ADGRD1: variants seen among roughly 807,000 people sequenced by gnomAD.
ADGRD1 encodes adhesion G protein-coupled receptor D1.
In ADGRD1, 77 loss-of-function variants were observed where a neutral mutation model predicts 113.4. The observed-to-expected ratio is 0.68, with a 90% CI of 0.57 to 0.82. The LOEUF (loss-of-function observed/expected upper bound fraction) is 0.82, where lower values mean the gene tolerates loss of function less well. Among genes scored for constraint, ADGRD1 ranks in the 40% least tolerant of loss-of-function variants. The probability of loss-of-function intolerance (pLI) is 0.00; values close to 1 mark genes in which losing one functional copy is unlikely to be tolerated. For synonymous variants in ADGRD1, 474 were observed against 475.0 expected (o/e 1.00, Z 0.03); for missense variants, 1,036 against 1,139.1 (o/e 0.91, Z 1.30).
chr12:131,110,333 A>G (rs1950322278), intron 18 of ADGRD1, among the ~76,000 whole-genome samples: 1 of 142,892 alleles, frequency 7.0e-6, no homozygotes, highest in South Asian at 2.5e-4. Flanking sequence ...GTAACACTTT[A>G]ATTCTCTTAA....
At chr12:130,985,633 C>T (rs1206690998) in intron 5 of ADGRD1, among the ~76,000 whole-genome samples, 3 of 151,998 alleles carry the variant, frequency 2.0e-5, no homozygotes, top group Admixed American at 2.0e-4. Context: ...TCACTGCAAC[C>T]TCCACCTCCC....
chr12:131,135,630 G>A (rs745407828), intron 21 of ADGRD1, among the ~76,000 whole-genome samples: 6 of 152,292 alleles, frequency 3.9e-5, no homozygotes, highest in Admixed American at 6.5e-5. Context: ...CCTTCCAAGC[G>A]TCTCACAGGA....
intron 20 of ADGRD1, among the ~76,000 whole-genome samples, chr12:131,121,547 A>AT (rs1482001205): frequency 1.3e-5 from 2 of 152,002 alleles, no homozygotes; most frequent in Non-Finnish European, 2.9e-5. Flanking sequence ...CGCCCAGCTA[A>AT]TTTTGTATTT....
chr12:131,137,909 A>C (rs892377086), intron 23 of ADGRD1: 2 of 442,396 alleles, frequency 4.5e-6, no homozygotes, highest in African/African-American at 4.1e-5. Context: ...TGAGGAGCCC[A>C]GCAGAGGCCA....
Position 131,131,789 on chromosome 12 carries a change from A to C in ADGRD1, c.2240A>C (p.Lys747Thr), listed in dbSNP as rs1950936233. 1 of 1,612,716 alleles carries C rather than the reference A, an allele frequency of 6.2e-7. No individual in the cohort carries two copies. Among genetic ancestry groups the C allele is most frequent in the Non-Finnish European group, 8.5e-7 (1 of 1,178,886 alleles). ...TCACAGATCAGCGCCGACAACTACA[A>C]GATCCATGGAGACCCCAGTGCCTTC... ...VISQISADNY[K>T]IHGDPSAFKL... Residue 747 changes from lysine to threonine, a missense_variant, in exon 21 of 25, where the codon AAG becomes ACG. Coordinates refer to ENST00000261654, the MANE Select transcript of ADGRD1 (RefSeq NM_198827.5).
intron 13 of ADGRD1, among the ~76,000 whole-genome samples, chr12:131,074,275 C>G (rs939798325): frequency 1.3e-5 from 2 of 152,188 alleles, no homozygotes; most frequent in African/African-American, 4.8e-5. Context: ...TTAGACATAC[C>G]CAAGTGAAGT....
At chr12:131,004,428 C>T (rs959496899) in intron 11 of ADGRD1, 132 bp downstream of exon 11, 2 of 666,844 alleles carry the variant, frequency 3.0e-6, no homozygotes, top group Middle Eastern at 3.5e-4. Context: ...CGGTGCTCCC[C>T]CGGACTGCCT....
Position 131,084,428 on chromosome 12 carries a change from G to T in ADGRD1, c.1548-112G>T. 8.7e-7 allele frequency: 1 copy of T among 1,146,528 alleles called. No homozygotes were observed. The highest frequency in any genetic ancestry group is 1.4e-5 in the South Asian group (1 of 73,984). The allele number at this position is 1,146,528 out of a possible 1,614,324, so 71.0% of individuals were successfully genotyped here. A position where few individuals can be genotyped will look rare whatever the true frequency, so the allele number is the denominator to read the frequency against. Reference sequence around the variant, plus strand: ...TGTGCATTCCTGGCGTGGCAGGTGTGGGCGCCGCCATGAGTTCACGGGGCC... The same window carrying T: ...TGTGCATTCCTGGCGTGGCAGGTGTTGGCGCCGCCATGAGTTCACGGGGCC... On this transcript the variant is annotated intron_variant, in intron 14 of 24. Transcript: ENST00000261654. The surrounding 1 kb of genome is among the most constrained non-coding windows in gnomAD (Gnocchi z 4.5).
rs1398983199 is a variant in ADGRD1, at chr12:131,050,666, G to A, written c.1474-26135G>A. ...GAGAACGCATGATCGTGGGGACAGT[G>A]CCAAGAGGGATGGTGTTAAGCCAGC... On this transcript the variant is annotated intron_variant, in intron 13 of 24. Coordinates refer to ENST00000261654, the MANE Select transcript of ADGRD1 (RefSeq NM_198827.5). The surrounding 1 kb of genome is among the most constrained non-coding windows in gnomAD (Gnocchi z 4.8). Among the ~76,000 whole-genome samples, 2 of 152,216 alleles carry A rather than the reference G, an allele frequency of 1.3e-5. No homozygotes were observed. The highest frequency in any genetic ancestry group is 3.9e-4 in the East Asian group (2 of 5,160).
In ADGRD1 at chr12:131,140,726, G is replaced by A. The variant is rs1196214128; in HGVS notation, c.*1463G>A. 2 of 152,222 alleles carry A rather than the reference G, an allele frequency of 1.3e-5. No individual in the cohort carries two copies. The highest frequency in any genetic ancestry group is 2.4e-5 in the African/African-American group (1 of 41,424). The allele number at this position is 152,222 out of a possible 1,614,324, so 9.4% of individuals were successfully genotyped here. On this transcript the variant is annotated 3_prime_UTR_variant, in exon 25 of 25. Coordinates refer to ENST00000261654, the MANE Select transcript of ADGRD1 (RefSeq NM_198827.5). ...GCTTCTTAATGTAACTCTTCCCCTG[G>A]TCGCCTGGAGTGGACCACTCATCTG...
At chr12:131,081,581 C>T (rs1886072600) in intron 14 of ADGRD1, among the ~76,000 whole-genome samples, 1 of 152,218 alleles carries the variant, frequency 6.6e-6, no homozygotes, top group South Asian at 2.1e-4. Flanking sequence ...ACACTTCCTC[C>T]TGCCCGTTCT....
At chr12:131,031,542 C>A (rs1238593552) in intron 13 of ADGRD1, among the ~76,000 whole-genome samples, 2 of 152,060 alleles carry the variant, frequency 1.3e-5, no homozygotes, top group African/African-American at 2.4e-5. Flanking sequence ...GTGGTTTTCC[C>A]AAGGTTCCAG....
In ADGRD1 at chr12:131,003,354, C is replaced by A. The variant is rs758138615; in HGVS notation, c.1144+52C>A. The A allele has an allele frequency of 5.2e-6, 6 of 1,164,666 alleles. No individual in the cohort carries two copies. The highest frequency in any genetic ancestry group is 7.7e-6 in the Non-Finnish European group (6 of 777,316). The allele number at this position is 1,164,666 out of a possible 1,614,324, so 72.1% of individuals were successfully genotyped here. Reference sequence around the variant, plus strand: ...ACATGGCAGGGGCGGGGGCTGGAGGCTGCGTTTCACTGCCTGTCTTTTTAC... The same window carrying A: ...ACATGGCAGGGGCGGGGGCTGGAGGATGCGTTTCACTGCCTGTCTTTTTAC... On this transcript the variant is annotated intron_variant, in intron 10 of 24. Coordinates refer to ENST00000261654, the MANE Select transcript of ADGRD1 (RefSeq NM_198827.5). This position sits in a 1 kb window ranked among gnomAD's most constrained non-coding sequence, Gnocchi z 4.8.
In ADGRD1 at chr12:130,981,874, C is replaced by T. The variant is rs75537472; in HGVS notation, c.311-10C>T. ...TCTCTGTGAATAACTGATCTTGTGA[C>T]TTTCCTCAGGGGTCACGTTTTCTTT... On this transcript the variant is annotated splice_polypyrimidine_tract_variant and intron_variant, in intron 4 of 24. Coordinates refer to ENST00000261654, the MANE Select transcript of ADGRD1 (RefSeq NM_198827.5). The T allele has an allele frequency of 7.1e-3, 11,405 of 1,599,326 alleles. 77 individuals carry two copies. Among genetic ancestry groups the T allele is most frequent in the Non-Finnish European group, 7.9e-3 (9,262 of 1,169,226 alleles).
chr12:130,958,436 G>A (rs1045110896), intron 2 of ADGRD1, among the ~76,000 whole-genome samples: 1 of 152,200 alleles, frequency 6.6e-6, no homozygotes, highest in African/African-American at 2.4e-5. Context: ...CTGACCTCAG[G>A]TGATCCGCCT....
At chr12:131,131,384 T>G (rs893363687) in intron 20 of ADGRD1, among the ~76,000 whole-genome samples, 1 of 152,196 alleles carries the variant, frequency 6.6e-6, no homozygotes, top group African/African-American at 2.4e-5. Flanking sequence ...GCACTGAGGC[T>G]CCGAGGACCT....
At chr12:131,070,811 T>C (rs745783442) in intron 13 of ADGRD1, 2 of 519,036 alleles carry the variant, frequency 3.9e-6, no homozygotes, top group South Asian at 2.8e-5. Context: ...CTTCAGGCTG[T>C]GTCCTTATAG....
At chr12:131,085,132 G>A (rs1020674995) in intron 15 of ADGRD1, among the ~76,000 whole-genome samples, 1 of 152,268 alleles carries the variant, frequency 6.6e-6, no homozygotes, top group South Asian at 2.1e-4. Context: ...CTTTGAATCA[G>A]TGGAGGAAGA....
At chr12:130,977,255 C>T (rs989419089) in intron 4 of ADGRD1, 5 of 152,270 alleles carry the variant, frequency 3.3e-5, no homozygotes, top group Admixed American at 6.5e-5. Context: ...CCAGGATGGC[C>T]TGCGTGTGGC....
Sources: gnomAD v4.1 joint callset for allele counts (sites outside exome capture counted in the v4.1 genomes callset) on GRCh38, gnomAD v4.1.1 for gene constraint, Gnocchi (gnomAD v3.1) non-coding constraint, MANE v1.5 for transcripts, NCBI Gene and HGNC (gene_info 2026-07-23, HGNC 2026-07-21) for gene names.